Variants in TPX2 observed in about 807,000 individuals in gnomAD.
TPX2 encodes targeting protein for Xklp2.
Under a neutral mutation model 93.6 loss-of-function variants are expected in TPX2, and 21 were observed. The observed-to-expected ratio is 0.22, with a 90% CI of 0.16 to 0.32. The LOEUF is 0.32. Ranked by LOEUF, TPX2 falls within the 10% of genes least tolerant of loss-of-function variation. The probability of loss-of-function intolerance (pLI) is 1.00; values close to 1 mark genes in which losing one functional copy is unlikely to be tolerated. For missense variants in TPX2, 776 were observed against 871.1 expected (o/e 0.89, Z 1.37); for synonymous variants, 281 against 298.3 (o/e 0.94, Z 0.60).
chr20:31,791,291 T>C (rs1425334355), intron 12 of TPX2, among the ~76,000 whole-genome samples: 1 of 152,192 alleles, frequency 6.6e-6, no homozygotes, highest in Non-Finnish European at 1.5e-5. Flanking sequence ...AGAATTAATT[T>C]TTTTTTCTTT....
chr20:31,790,898 A>G lies in TPX2; in HGVS notation c.1414-1837A>G, dbSNP rs566820154. Reference sequence around the variant, plus strand: ...CTGTGATAAAACCATATACAATGGGATAAAGGGGTCAGTTCTGTAGGTCCT... The same window carrying G: ...CTGTGATAAAACCATATACAATGGGGTAAAGGGGTCAGTTCTGTAGGTCCT... On this transcript the variant is annotated intron_variant, in intron 12 of 17. Transcript: ENST00000300403. Among the ~76,000 whole-genome samples the G allele has an allele frequency of 2.0e-5, 3 of 152,314 alleles. No individual in the cohort carries two copies. In the East Asian group the frequency reaches 5.8e-4, roughly 29 times the overall value.
intron 2 of TPX2, among the ~76,000 whole-genome samples, chr20:31,747,769 C>CTT (rs1236018315): frequency 3.2e-4 from 40 of 124,526 alleles, no homozygotes; most frequent in African/African-American, 6.7e-4. Flanking sequence ...ACGCATGTGC[C>CTT]TTTTTTTTTT....
rs948375640 is a variant in TPX2 at position 31,794,772 on chromosome 20, GTGTGTGTGTGTGTGTGTGTA to G, written c.1833+236_1833+255del. On this transcript the variant is annotated intron_variant, in intron 15 of 17. Transcript: ENST00000300403. ...TGTCGCATAGTGTGTGTGTGTGTGT[GTGTGTGTGTGTGTGTGTGTA>G]TGTGTGTGTGTACGCACACATTTTG... Among the ~76,000 whole-genome samples the G allele has an allele frequency of 8.6e-5, 13 of 151,896 alleles. 1 individual carries two copies. The highest frequency in any genetic ancestry group is 2.9e-4 in the African/African-American group (12 of 41,402).
At chr20:31,774,926 C>A (rs2061986569) in intron 7 of TPX2, among the ~76,000 whole-genome samples, 1 of 152,034 alleles carries the variant, frequency 6.6e-6, no homozygotes, top group African/African-American at 2.4e-5. Flanking sequence ...TTTAGTTTTT[C>A]TTGTGGCTTA....
At chr20:31,759,364 C>G (rs915913228) in intron 3 of TPX2, among the ~76,000 whole-genome samples, 1 of 151,476 alleles carries the variant, frequency 6.6e-6, no homozygotes, top group African/African-American at 2.4e-5. Context: ...TCTTGTAAGC[C>G]CTACAGTTTT....
At chr20:31,755,798 T>C (rs772620488) in intron 2 of TPX2, among the ~76,000 whole-genome samples, 1 of 152,092 alleles carries the variant, frequency 6.6e-6, no homozygotes, top group Non-Finnish European at 1.5e-5. Context: ...TTGGGTTTCA[T>C]TGGCAAATTA....
At position 31,764,135 on chromosome 20, in the gene TPX2, TATACATGTATGTGTACATACATGTACAC is replaced by T. The variant is rs568367390; in HGVS notation, c.230-2410_230-2383del. On this transcript the variant is annotated intron_variant, in intron 4 of 17. Coordinates refer to ENST00000300403, the MANE Select transcript of TPX2 (RefSeq NM_012112.5). Reference sequence around the variant, plus strand: ...ACATGTATGTGTGTATATATGTACATATACATGTATGTGTACATACATGTACACATACATGTATATGTATATATTTTTG... The same window carrying T: ...ACATGTATGTGTGTATATATGTACATATACATGTATATGTATATATTTTTG... Among the ~76,000 whole-genome samples, 1,012 of 151,796 alleles carry T rather than the reference TATACATGTATGTGTACATACATGTACAC, an allele frequency of 6.7e-3. 8 individuals carry two copies. The highest frequency in any genetic ancestry group is 0.024 in the Middle Eastern group (7 of 292).
In TPX2 at chr20:31,797,137, G is replaced by GA. The variant is rs920943569; in HGVS notation, c.1834-257dup. On this transcript the variant is annotated intron_variant, in intron 15 of 17. Coordinates refer to ENST00000300403, the MANE Select transcript of TPX2 (RefSeq NM_012112.5). ...AATAAATGTGAACATAAACTAAAAAGAAAAAAAAAAGTAAACTTTAATGTC... is the reference window on the plus strand; with the variant it reads ...AATAAATGTGAACATAAACTAAAAAGAAAAAAAAAAAGTAAACTTTAATGTC... Among the ~76,000 whole-genome samples the GA allele has an allele frequency of 2.7e-4, 39 of 144,800 alleles. No homozygotes were observed. In the East Asian group the frequency reaches 5.2e-3, roughly 19 times the overall value. 95.0% of individuals were successfully genotyped at this position (144,800 alleles called of 152,430 possible).
rs2061971752 is a variant in TPX2, at chr20:31,772,783, G to C, written c.608+1101G>C. ...TATTTAACTATTTTCTGTTGAAAAT[G>C]TAGTTTCCAGCTTTTCATGATTATA... On this transcript the variant is annotated intron_variant, in intron 7 of 17. Coordinates refer to ENST00000300403, the MANE Select transcript of TPX2 (RefSeq NM_012112.5). Among the ~76,000 whole-genome samples, 3 of 152,168 alleles carry C rather than the reference G, an allele frequency of 2.0e-5. No homozygotes were observed. In the South Asian group the frequency reaches 6.2e-4, roughly 32 times the overall value.
At chr20:31,759,719 G>C (rs1226197933) in intron 3 of TPX2, among the ~76,000 whole-genome samples, 2 of 151,964 alleles carry the variant, frequency 1.3e-5, no homozygotes, top group East Asian at 3.9e-4. Context: ...TCTTTAAGAG[G>C]AACATGATAT....
At chr20:31,787,617 G>A (rs374037543) in intron 12 of TPX2, among the ~76,000 whole-genome samples, 1 of 152,078 alleles carries the variant, frequency 6.6e-6, no homozygotes, top group Non-Finnish European at 1.5e-5. Flanking sequence ...GGGAAAGGGT[G>A]GATAGTGGGG....
chr20:31,777,783 T>G, intron 9 of TPX2, 145 bp downstream of exon 9: 1 of 850,128 alleles, frequency 1.2e-6, no homozygotes, highest in Non-Finnish European at 1.6e-6. Flanking sequence ...AACAGATCTT[T>G]TTTTTTTTTT....
At chr20:31,766,422 A>T in intron 4 of TPX2, 134 bp from the exon 5 acceptor site, 1 of 968,542 alleles carries the variant, frequency 1.0e-6, no homozygotes, top group Non-Finnish European at 1.5e-6. Flanking sequence ...TATAAGATTT[A>T]ACTGGAACTA....
chr20:31,758,327 C>T (rs1381646252), intron 3 of TPX2, among the ~76,000 whole-genome samples: 3 of 152,046 alleles, frequency 2.0e-5, no homozygotes, highest in African/African-American at 4.8e-5. Context: ...GCCATGTTGG[C>T]CAGGCTAGTC....
At chr20:31,795,837 G>A (rs1195887142) in intron 15 of TPX2, among the ~76,000 whole-genome samples, 1 of 152,160 alleles carries the variant, frequency 6.6e-6, no homozygotes, top group Admixed American at 6.5e-5. Flanking sequence ...CTACGTGGCT[G>A]GAAAAAATTT....
intron 2 of TPX2, among the ~76,000 whole-genome samples, chr20:31,744,350 C>T (rs986486375): frequency 1.3e-5 from 2 of 150,394 alleles, no homozygotes; most frequent in Admixed American, 6.6e-5. Flanking sequence ...TTAGTAGAGA[C>T]GGTTTCACCA....
chr20:31,776,954 A>G (rs2062003979), intron 8 of TPX2, among the ~76,000 whole-genome samples: 1 of 152,224 alleles, frequency 6.6e-6, no homozygotes, highest in Admixed American at 6.5e-5. Flanking sequence ...GGCAAAGGAA[A>G]AGAAAACAGT....
chr20:31,789,430 C>T (rs553990579), intron 12 of TPX2, among the ~76,000 whole-genome samples: 1 of 152,184 alleles, frequency 6.6e-6, no homozygotes, highest in South Asian at 2.1e-4. Flanking sequence ...TCAAAGCTTT[C>T]ATAGTCTGGT....
At chr20:31,741,049 T>G (rs901942788) in intron 1 of TPX2, among the ~76,000 whole-genome samples, 3 of 152,228 alleles carry the variant, frequency 2.0e-5, no homozygotes, top group Admixed American at 1.3e-4. Flanking sequence ...TTGATAAAAT[T>G]AATTTATTGC....
Sources: gnomAD v4.1 joint callset for allele counts (sites outside exome capture counted in the v4.1 genomes callset) on GRCh38, gnomAD v4.1.1 for gene constraint, MANE v1.5 for transcripts, NCBI Gene and HGNC (gene_info 2026-07-23, HGNC 2026-07-21) for gene names.